Variants in AFDN observed in about 807,000 individuals in gnomAD.
The protein encoded by AFDN is afadin.
In AFDN, 68 loss-of-function variants were observed where a neutral mutation model predicts 216.6. The observed-to-expected ratio is 0.31, with a 90% CI of 0.26 to 0.38. The LOEUF (loss-of-function observed/expected upper bound fraction) is 0.38, where lower values mean the gene tolerates loss of function less well. Among genes scored for constraint, AFDN ranks in the 10% least tolerant of loss-of-function variants. AFDN has a pLI of 1.00. For synonymous variants in AFDN, 868 were observed against 853.7 expected, an observed-to-expected ratio of 1.02 and a Z score of -0.29; for missense variants, 2,136 against 2,342.0, an observed-to-expected ratio of 0.91 and a Z score of 1.82.
At chr6:167,921,846 T>C (rs973377856) in intron 21 of AFDN, among the ~76,000 whole-genome samples, 6 of 152,172 alleles carry the variant, frequency 3.9e-5, no homozygotes, top group Non-Finnish European at 7.3e-5. Context: ...TGTATACTTA[T>C]TTTAACTGAA....
chr6:167,898,126 TACTC>T, intron 10 of AFDN, 75 bp from the exon 11 acceptor site: 6 of 1,465,696 alleles, frequency 4.1e-6, no homozygotes, highest in Non-Finnish European at 5.6e-6. Flanking sequence ...ATAAAAGGGG[TACTC>T]ACGGTTTTAA....
In AFDN at chr6:167,948,344, T is replaced by C; in HGVS notation, c.3697T>C (p.Tyr1233His). The change falls in exon 29 of 34, where the codon TAC becomes CAC. Residue 1233 changes from tyrosine to histidine, a missense_variant. Transcript: ENST00000683244. Reference sequence around the variant, plus strand: ...AGCCTACCCCATCCCCACTCAGACGTACACCAGAGAGTATTTTACCTTCCC... The same window carrying C: ...AGCCTACCCCATCCCCACTCAGACGCACACCAGAGAGTATTTTACCTTCCC... ...PEAYPIPTQT[Y>H]TREYFTFPAS... 1 of 1,614,152 alleles carries C rather than the reference T, an allele frequency of 6.2e-7. No homozygotes were observed. Among genetic ancestry groups the C allele is most frequent in the Non-Finnish European group, 8.5e-7 (1 of 1,180,010 alleles).
In AFDN at chr6:167,945,163, A is replaced by ATT. The variant is rs35415490; in HGVS notation, c.3358+1113_3358+1114dup. 3.4e-3 allele frequency among the ~76,000 whole-genome samples: 516 copies of ATT among 150,204 alleles called. 3 individuals are homozygous for ATT. The highest frequency in any genetic ancestry group is 0.014 in the Middle Eastern group (4 of 290). ...ATGCTTATTCCATAAGTGATTTTCTATTTTTTTTTTAATTTATCTTTTCAT... is the reference window on the plus strand; with the variant it reads ...ATGCTTATTCCATAAGTGATTTTCTATTTTTTTTTTTTAATTTATCTTTTCAT... On this transcript the variant is annotated intron_variant, in intron 26 of 33. Transcript: ENST00000683244.
chr6:167,965,919 C>A lies in AFDN; in HGVS notation c.5131C>A (p.Pro1711Thr), dbSNP rs1379939296. 6.5e-7 allele frequency: 1 copy of A among 1,550,158 alleles called. No homozygotes were observed. Among genetic ancestry groups the A allele is most frequent in the Non-Finnish European group, 8.7e-7 (1 of 1,146,796 alleles). ...GTCCCCGTCCCCCGCGCCCGGCGCC[C>A]CTCCTCCCCCGCCTCAGCGAAACGC... ...PPSPSPAPGA[P>T]PPPPQRNASY... is the part of the protein sequence containing the mutation. Residue 1711 changes from proline (P) to threonine (T), a missense_variant, in exon 32 of 34, where the codon CCT (proline) becomes ACT (threonine). Physicochemically the swap from Pro to Thr is conservative, Grantham distance 38. Coordinates refer to ENST00000683244, the MANE Select transcript of AFDN (RefSeq NM_001386888.1).
chr6:167,964,206 A>T, intron 31 of AFDN: 1 of 1,063,818 alleles, frequency 9.4e-7, no homozygotes, highest in Non-Finnish European at 1.1e-6. Context: ...ACCTATTTTT[A>T]TATCAGAATG....
At chr6:167,908,951 C>T (rs941743542) in intron 13 of AFDN, among the ~76,000 whole-genome samples, 3 of 152,170 alleles carry the variant, frequency 2.0e-5, no homozygotes, top group Non-Finnish European at 4.4e-5. Flanking sequence ...AAGGAAAAAA[C>T]CCTTTTGAAT....
intron 23 of AFDN, 105 bp downstream of exon 23, chr6:167,925,196 C>T (rs1583431961): frequency 6.4e-6 from 5 of 785,354 alleles, no homozygotes; most frequent in South Asian, 3.2e-5. Flanking sequence ...CTGTGTATAA[C>T]GTGCCTGTTC....
intron 13 of AFDN, among the ~76,000 whole-genome samples, chr6:167,910,810 C>A (rs1790286611): frequency 6.6e-6 from 1 of 152,162 alleles, no homozygotes; most frequent in Admixed American, 6.5e-5. Flanking sequence ...ACAGACCGAT[C>A]CCTGTACTAG....
chr6:167,845,827 G>T (rs1216290282), intron 1 of AFDN, among the ~76,000 whole-genome samples: 3 of 152,080 alleles, frequency 2.0e-5, no homozygotes, highest in Admixed American at 6.5e-5. Context: ...CCCAAGACTG[G>T]GTAATTTATA....
At chr6:167,955,607 G>T (rs1199924575) in intron 30 of AFDN, among the ~76,000 whole-genome samples, 1 of 152,120 alleles carries the variant, frequency 6.6e-6, no homozygotes, top group Non-Finnish European at 1.5e-5. Context: ...CAGCTCTCAG[G>T]CCCAAAGAGA....
rs1004345060 is a variant in AFDN, at chr6:167,827,017, G to A, written c.-116G>A. Reference sequence around the variant, plus strand: ...CGGCCGCGGAGGCGGAGGCAGCCGCGGAGGCGGAGGCGGCCGGCGGGGGGT... The same window carrying A: ...CGGCCGCGGAGGCGGAGGCAGCCGCAGAGGCGGAGGCGGCCGGCGGGGGGT... On this transcript the variant is annotated 5_prime_UTR_variant, in exon 1 of 34. Coordinates refer to ENST00000683244, the MANE Select transcript of AFDN (RefSeq NM_001386888.1). The A allele has an allele frequency of 7.2e-6, 2 of 279,252 alleles. No individual in the cohort carries two copies. The highest frequency in any genetic ancestry group is 4.7e-5 in the African/African-American group (2 of 42,870). The allele number at this position is 279,252 out of a possible 1,614,324, so 17.3% of individuals were successfully genotyped here.
At chr6:167,874,978 C>G (rs1785189448) in intron 4 of AFDN, among the ~76,000 whole-genome samples, 1 of 152,098 alleles carries the variant, frequency 6.6e-6, no homozygotes, top group South Asian at 2.1e-4. Flanking sequence ...ATATTTCTTT[C>G]TTGTGGTTGG....
chr6:167,951,093 C>G lies in AFDN; in HGVS notation c.3832-93C>G, dbSNP rs1795924331. ...AGTCTCTTTCTGTACACTGATTTAA[C>G]AGTTTTTCTTCTGTCTGAAGATAAA... On this transcript the variant is annotated intron_variant, in intron 29 of 33. Coordinates refer to ENST00000683244, the MANE Select transcript of AFDN (RefSeq NM_001386888.1). The surrounding 1 kb of genome is among the most constrained non-coding windows in gnomAD (Gnocchi z 7.1). The G allele has an allele frequency of 6.9e-7, 1 of 1,446,294 alleles. No homozygotes were observed. Among genetic ancestry groups the G allele is most frequent in the East Asian group, 2.5e-5 (1 of 40,532 alleles). 89.6% of individuals were successfully genotyped at this position (1,446,294 alleles called of 1,614,324 possible).
chr6:167,943,381 C>T, intron 24 of AFDN, 21 bp from the exon 25 acceptor site: 2 of 1,610,026 alleles, frequency 1.2e-6, no homozygotes, highest in South Asian at 2.2e-5. Flanking sequence ...AATCCATGCA[C>T]ACACCTGTGG....
chr6:167,915,139 C>T lies in AFDN; in HGVS notation c.2300-29C>T, dbSNP rs771955910. 269 of 1,609,904 alleles carry T rather than the reference C, an allele frequency of 1.7e-4. 4 individuals are homozygous for T. The South Asian group carries it at 2.8e-3, about 17-fold the overall frequency. On this transcript the variant is annotated intron_variant, in intron 18 of 33. Transcript: ENST00000683244. ...GCTTCTTCCTGGATGACATTTTGCT[C>T]CTCTTGTCCTCTCACCCTGTCTGGG... is the stretch of plus-strand genomic sequence containing the variant.
At chr6:167,887,010 A>G (rs1786912654) in intron 6 of AFDN, among the ~76,000 whole-genome samples, 2 of 55,926 alleles carry the variant, frequency 3.6e-5, no homozygotes, top group Admixed American at 1.9e-4. Flanking sequence ...GCGAGACTGT[A>G]TCAAAAAAAA....
intron 21 of AFDN, among the ~76,000 whole-genome samples, chr6:167,921,164 G>A (rs907800271): frequency 3.9e-5 from 6 of 152,188 alleles, no homozygotes; most frequent in African/African-American, 7.2e-5. Context: ...TTGCAAATGC[G>A]TATAGTTTAT....
At chr6:167,880,215 G>A in intron 5 of AFDN, 145 bp from the exon 6 acceptor site, 1 of 694,726 alleles carries the variant, frequency 1.4e-6, no homozygotes, top group Non-Finnish European at 2.4e-6. Flanking sequence ...AACAGGAAAT[G>A]AAACAATAGT....
intron 19 of AFDN, among the ~76,000 whole-genome samples, chr6:167,916,429 T>G (rs1028735564): frequency 6.6e-6 from 1 of 152,152 alleles, no homozygotes; most frequent in Non-Finnish European, 1.5e-5. Flanking sequence ...CCTTAAAGGG[T>G]TCTTTATATT....
Sources: allele counts gnomAD v4.1 joint callset (sites outside exome capture counted in the v4.1 genomes callset), GRCh38; gene constraint gnomAD v4.1.1; non-coding constraint Gnocchi (gnomAD v3.1); transcripts MANE v1.5; gene names NCBI Gene and HGNC (gene_info 2026-07-23, HGNC 2026-07-21).